APBB2: variants seen among roughly 807,000 people sequenced by gnomAD.
The protein encoded by APBB2 is amyloid beta precursor protein binding family B member 2.
In APBB2, 38 loss-of-function variants were observed where a neutral mutation model predicts 82.5. The ratio of observed to expected loss-of-function variants is 0.46; its 90% CI spans 0.36 to 0.60. The LOEUF (loss-of-function observed/expected upper bound fraction) is 0.60, where lower values mean the gene tolerates loss of function less well. Among genes scored for constraint, APBB2 ranks in the 20% least tolerant of loss-of-function variants. APBB2 has a pLI of 0.00. For missense variants in APBB2, 772 were observed against 972.3 expected, an observed-to-expected ratio of 0.79 and a Z score of 2.74; for synonymous variants, 341 against 368.2, an observed-to-expected ratio of 0.93 and a Z score of 0.85.
At chr4:41,041,261 TA>T (rs573807805) in intron 4 of APBB2, among the ~76,000 whole-genome samples, 13 of 151,864 alleles carry the variant, frequency 8.6e-5, no homozygotes, top group African/African-American at 2.7e-4. Flanking sequence ...GTCAACTATT[TA>T]AAAAAAAATC....
chr4:40,986,928 G>T (rs1800558798), intron 6 of APBB2, among the ~76,000 whole-genome samples: 1 of 152,198 alleles, frequency 6.6e-6, no homozygotes, highest in South Asian at 2.1e-4. Flanking sequence ...AGGAATGGGG[G>T]AAATTGATTT....
chr4:40,953,753 A>G (rs1452501340), intron 6 of APBB2, among the ~76,000 whole-genome samples: 1 of 152,172 alleles, frequency 6.6e-6, no homozygotes, highest in African/African-American at 2.4e-5. Context: ...GTCTCCTGTC[A>G]TCACTGCCTC....
In APBB2 at chr4:40,821,397, T is replaced by A. The variant is rs567967711; in HGVS notation, c.2112+474A>T. Among the ~76,000 whole-genome samples the A allele has an allele frequency of 2.8e-4, 43 of 152,260 alleles. No homozygotes were observed. In the South Asian group the frequency reaches 7.7e-3, roughly 27 times the overall value. On this transcript the variant is annotated intron_variant, in intron 17 of 17. Transcript: ENST00000508593. Reference sequence around the variant, plus strand: ...CTTCCCTAAAGTCTCTATTTTCTCATAAATAAAACAGAACTAACAACTACC... The same window carrying A: ...CTTCCCTAAAGTCTCTATTTTCTCAAAAATAAAACAGAACTAACAACTACC...
intron 4 of APBB2, among the ~76,000 whole-genome samples, chr4:41,044,397 C>G (rs1271908186): frequency 6.6e-6 from 1 of 152,176 alleles, no homozygotes; most frequent in Non-Finnish European, 1.5e-5. Flanking sequence ...GTCATTCTGA[C>G]ATGCCCTAAT....
At chr4:41,069,167 A>G (rs1445217626) in intron 3 of APBB2, among the ~76,000 whole-genome samples, 1 of 152,168 alleles carries the variant, frequency 6.6e-6, no homozygotes, top group Non-Finnish European at 1.5e-5. Context: ...AAACTACTGA[A>G]AATGAAAAAG....
chr4:41,155,883 T>A (rs1763327822), intron 1 of APBB2, among the ~76,000 whole-genome samples: 1 of 152,212 alleles, frequency 6.6e-6, no homozygotes, highest in African/African-American at 2.4e-5. Flanking sequence ...CAGCTCTAGC[T>A]AGAAATCTAT....
chr4:41,168,456 A>G (rs1767331904), intron 1 of APBB2, among the ~76,000 whole-genome samples: 1 of 151,910 alleles, frequency 6.6e-6, no homozygotes, highest in Admixed American at 6.6e-5. Context: ...CTCCTGCCTC[A>G]GCATCCTGAG....
chr4:41,179,379 A>G (rs1770720492), intron 1 of APBB2, among the ~76,000 whole-genome samples: 1 of 152,232 alleles, frequency 6.6e-6, no homozygotes, highest in Admixed American at 6.5e-5. Context: ...ATTTAAAAAT[A>G]TGTATAGATT....
intron 10 of APBB2, among the ~76,000 whole-genome samples, chr4:40,907,232 G>A (rs1280767542): frequency 6.6e-6 from 1 of 151,384 alleles, no homozygotes; most frequent in Non-Finnish European, 1.5e-5. Context: ...AACCCCCAAT[G>A]TGACTGTATT....
chr4:40,900,967 A>G (rs1408444254), intron 10 of APBB2, among the ~76,000 whole-genome samples: 1 of 152,174 alleles, frequency 6.6e-6, no homozygotes, highest in African/African-American at 2.4e-5. Flanking sequence ...GGAAGGGCAT[A>G]TTCGTTTGGC....
At chr4:40,894,882 C>T (rs1773220274) in intron 10 of APBB2, among the ~76,000 whole-genome samples, 1 of 152,212 alleles carries the variant, frequency 6.6e-6, no homozygotes, top group African/African-American at 2.4e-5. Context: ...CATGCCTGAG[C>T]TGGGTCCCTC....
intron 1 of APBB2, among the ~76,000 whole-genome samples, chr4:41,202,165 A>G (rs2154076863): frequency 6.6e-6 from 1 of 152,346 alleles, no homozygotes; most frequent in African/African-American, 2.4e-5. Flanking sequence ...ATTCGTCTTC[A>G]AAACTTTTCG....
intron 2 of APBB2, among the ~76,000 whole-genome samples, chr4:41,112,598 G>C (rs1749578957): frequency 1.3e-5 from 2 of 152,206 alleles, no homozygotes; most frequent in Non-Finnish European, 2.9e-5. Flanking sequence ...GTGAAATTCT[G>C]TATGAAATTC....
chr4:41,071,335 T>C (rs892138896), intron 3 of APBB2, among the ~76,000 whole-genome samples: 1 of 152,240 alleles, frequency 6.6e-6, no homozygotes, highest in Non-Finnish European at 1.5e-5. Flanking sequence ...ATAATTATAA[T>C]TCTCTGCATC....
In APBB2 at chr4:40,815,870, C is replaced by A. The variant is rs1394819876; in HGVS notation, c.*222G>T. On this transcript the variant is annotated 3_prime_UTR_variant, in exon 18 of 18. Coordinates refer to ENST00000508593, the MANE Select transcript of APBB2 (RefSeq NM_004307.2). ...AATAAGAAAAAGACCTTCCACTGCGCATGATGTAACTTACAGCAAAAAAAA... is the reference window on the plus strand; with the variant it reads ...AATAAGAAAAAGACCTTCCACTGCGAATGATGTAACTTACAGCAAAAAAAA... The A allele has an allele frequency of 1.9e-5, 10 of 533,172 alleles. No homozygotes were observed. The highest frequency in any genetic ancestry group is 3.4e-5 in the Non-Finnish European group (10 of 298,246). 33.0% of individuals were successfully genotyped at this position (533,172 alleles called of 1,614,324 possible).
intron 12 of APBB2, among the ~76,000 whole-genome samples, chr4:40,853,483 C>T (rs1020501434): frequency 6.6e-6 from 1 of 151,652 alleles, no homozygotes; most frequent in African/African-American, 2.4e-5. Flanking sequence ...TGGAGTTTCG[C>T]TCGTTGTCCA....
intron 3 of APBB2, among the ~76,000 whole-genome samples, chr4:41,089,635 G>A (rs986434653): frequency 6.6e-6 from 1 of 152,070 alleles, no homozygotes; most frequent in Non-Finnish European, 1.5e-5. Flanking sequence ...CATTTTATAG[G>A]CTAGAAAGTT....
At chr4:41,129,656 G>A (rs965884708) in intron 2 of APBB2, among the ~76,000 whole-genome samples, 1 of 152,018 alleles carries the variant, frequency 6.6e-6, no homozygotes, top group African/African-American at 2.4e-5. Flanking sequence ...TATATCTTAA[G>A]TGCCTCTTGA....
intron 3 of APBB2, among the ~76,000 whole-genome samples, chr4:41,066,615 A>G (rs539717497): frequency 3.3e-4 from 51 of 152,342 alleles, no homozygotes; most frequent in South Asian, 4.1e-4. Flanking sequence ...GATGCCTAGC[A>G]TGTCCTAAGG....
Sources: gnomAD v4.1 joint callset for allele counts (sites outside exome capture counted in the v4.1 genomes callset) on GRCh38, gnomAD v4.1.1 for gene constraint, MANE v1.5 for transcripts, NCBI Gene and HGNC (gene_info 2026-07-23, HGNC 2026-07-21) for gene names.